PCDHGA1: variants seen among roughly 807,000 people sequenced by gnomAD.
The protein encoded by PCDHGA1 is protocadherin gamma-A1.
Under a neutral mutation model 58.0 loss-of-function variants are expected in PCDHGA1, and 32 were observed. That is an observed-to-expected ratio of 0.55 (90% confidence interval 0.42 to 0.74). PCDHGA1 has a LOEUF of 0.74. Among genes scored for constraint, PCDHGA1 ranks in the 30% least tolerant of loss-of-function variants. The pLI, the probability that PCDHGA1 is intolerant of heterozygous loss-of-function variation, is 0.00. For synonymous variants in PCDHGA1, 498 were observed against 501.1 expected (o/e 0.99, Z 0.08); for missense variants, 1,205 against 1,182.3 (o/e 1.02, Z -0.28).
At chr5:141,376,602 A>T in intron 1 of PCDHGA1, 1 of 1,521,112 alleles carries the variant, frequency 6.6e-7, no homozygotes, top group Non-Finnish European at 8.9e-7. Flanking sequence ...CTGTTATAGA[A>T]GCGAACCTCT....
chr5:141,364,519 A>G, intron 1 of PCDHGA1: 1 of 1,614,016 alleles, frequency 6.2e-7, no homozygotes, highest in Non-Finnish European at 8.5e-7. Context: ...CGGAGCGCGG[A>G]GTCCGCATCG....
chr5:141,439,310 A>G lies in PCDHGA1; in HGVS notation c.2422-55497A>G, dbSNP rs775009481. ...TCCATGGAAAAAGTAAAGCCCAGGCATGGAAGTGGGAATGGAAAGAAAGAT... is the reference window on the plus strand; with the variant it reads ...TCCATGGAAAAAGTAAAGCCCAGGCGTGGAAGTGGGAATGGAAAGAAAGAT... On this transcript the variant is annotated intron_variant, in intron 1 of 3. Transcript: ENST00000517417. 1.6e-4 allele frequency among the ~76,000 whole-genome samples: 24 copies of G among 152,320 alleles called. No homozygotes were observed. In the South Asian group the frequency reaches 4.1e-3, roughly 26 times the overall value.
At position 141,402,836 on chromosome 5, in the gene PCDHGA1, A is replaced by G. The variant is rs115293033; in HGVS notation, c.2421+69731A>G. 4.8e-4 allele frequency: 668 copies of G among 1,379,778 alleles called. 2 individuals are homozygous for G. The African/African-American group carries it at 8.5e-3, about 18-fold the overall frequency. 85.5% of individuals were successfully genotyped at this position (1,379,778 alleles called of 1,614,324 possible). On this transcript the variant is annotated intron_variant, in intron 1 of 3. Coordinates refer to ENST00000517417, the MANE Select transcript of PCDHGA1 (RefSeq NM_018912.3). ...ACAAACCTGCTCCCAGGCTGCAGCA[A>G]AACTCAGCCTCTTTCTTCTAAGGAA...
intron 1 of PCDHGA1, chr5:141,442,491 T>G (rs1438583747): frequency 6.6e-6 from 1 of 152,236 alleles, no homozygotes; most frequent in Non-Finnish European, 1.5e-5. Flanking sequence ...AGGGGATGAT[T>G]GTGATTATTC....
intron 1 of PCDHGA1, among the ~76,000 whole-genome samples, chr5:141,406,174 G>A (rs990967391): frequency 2.6e-5 from 4 of 151,264 alleles, no homozygotes; most frequent in African/African-American, 9.7e-5. Flanking sequence ...CTGGGCTTAT[G>A]CAATCCTCCC....
At chr5:141,343,364 A>G in intron 1 of PCDHGA1, 33 of 982,188 alleles carry the variant, frequency 3.4e-5, no homozygotes, top group Non-Finnish European at 3.7e-5. Flanking sequence ...AGTTAAGAGT[A>G]TAGAGAGGGA....
At chr5:141,376,105 C>T in intron 1 of PCDHGA1, 4 of 1,613,734 alleles carry the variant, frequency 2.5e-6, no homozygotes, top group Non-Finnish European at 2.5e-6. Flanking sequence ...TCCTGGCCGA[C>T]CTGGGCAGCC....
rs762926348 is a variant in PCDHGA1, at chr5:141,408,364, A to C, written c.2421+75259A>C. ...TGGTGGGGAACCTCGCTAAGGATCTAGGGCTCAGTGTCCTGGATGTGTCGG... is the reference window on the plus strand; with the variant it reads ...TGGTGGGGAACCTCGCTAAGGATCTCGGGCTCAGTGTCCTGGATGTGTCGG... On this transcript the variant is annotated intron_variant, in intron 1 of 3. Transcript: ENST00000517417. 3.7e-6 allele frequency: 6 copies of C among 1,613,960 alleles called. No individual in the cohort carries two copies. In the East Asian group the frequency reaches 1.3e-4, roughly 36 times the overall value.
intron 1 of PCDHGA1, among the ~76,000 whole-genome samples, chr5:141,369,675 G>A: frequency 6.6e-6 from 1 of 152,152 alleles, no homozygotes; most frequent in East Asian, 1.9e-4. Context: ...AGAAGAAAGT[G>A]AAACATAGAA....
Position 141,415,510 on chromosome 5 carries a change from T to C in PCDHGA1, c.2422-79297T>C, listed in dbSNP as rs780820182. On this transcript the variant is annotated intron_variant, in intron 1 of 3. Coordinates refer to ENST00000517417, the MANE Select transcript of PCDHGA1 (RefSeq NM_018912.3). ...TCACCTGATCTTCCCCCAGCCCAAT[T>C]ATGCGGACACGCTCATCAGCCAGGA... The C allele has an allele frequency of 2.5e-6, 4 of 1,614,088 alleles. No homozygotes were observed. The African/African-American group carries it at 5.3e-5, about 22-fold the overall frequency.
rs776990176 is a variant in PCDHGA1 at position 141,485,136 on chromosome 5, C to A, written c.2422-9671C>A. ...GTTTGGGGCGGGTCGGCTTCATCCG[C>A]GTCTCAGGAGCAAGTAGAGAATTAG... On this transcript the variant is annotated intron_variant, in intron 1 of 3. Transcript: ENST00000517417. The surrounding 1 kb of genome is among the most constrained non-coding windows in gnomAD (Gnocchi z 5.7). The A allele has an allele frequency of 4.0e-6, 6 of 1,502,706 alleles. No individual in the cohort carries two copies. The South Asian group carries it at 5.9e-5, about 15-fold the overall frequency. The allele number at this position is 1,502,706 out of a possible 1,614,324, so 93.1% of individuals were successfully genotyped here.
chr5:141,337,188 C>A (rs1225915439), intron 1 of PCDHGA1, among the ~76,000 whole-genome samples: 2 of 152,132 alleles, frequency 1.3e-5, no homozygotes, highest in Non-Finnish European at 2.9e-5. Flanking sequence ...TATAAAATGA[C>A]ACAACTGCTG....
intron 1 of PCDHGA1, chr5:141,333,379 C>T (rs1756462195): frequency 7.4e-6 from 4 of 541,146 alleles, no homozygotes; most frequent in East Asian, 6.1e-5. Context: ...AAGAGCACTG[C>T]ATTAGAAACG....
At position 141,387,415 on chromosome 5, in the gene PCDHGA1, A is replaced by C. The variant is rs111350375; in HGVS notation, c.2421+54310A>C. Among the ~76,000 whole-genome samples the C allele has an allele frequency of 1.1e-3, 175 of 152,362 alleles. 1 individual carries two copies. Among genetic ancestry groups the C allele is most frequent in the Admixed American group, 4.9e-3 (75 of 15,312 alleles). ...CATGTTTGAAGATTGGGGAAAGCTT[A>C]TGTCAATAAATGTTTATGTACTTAA... On this transcript the variant is annotated intron_variant, in intron 1 of 3. Coordinates refer to ENST00000517417, the MANE Select transcript of PCDHGA1 (RefSeq NM_018912.3).
intron 1 of PCDHGA1, chr5:141,398,979 C>T (rs769465343): frequency 1.9e-6 from 3 of 1,613,778 alleles, no homozygotes; most frequent in African/African-American, 1.3e-5. Context: ...TCTACAGAAC[C>T]GGGCAAATCT....
intron 1 of PCDHGA1, among the ~76,000 whole-genome samples, chr5:141,347,402 A>G (rs1055327810): frequency 1.3e-5 from 2 of 151,990 alleles, no homozygotes; most frequent in African/African-American, 4.8e-5. Flanking sequence ...TGATCTGCCC[A>G]CGTCAGCCTC....
Position 141,330,974 on chromosome 5 carries a change from C to T in PCDHGA1, c.290C>T (p.Ala97Val). 6.2e-7 allele frequency: 1 copy of T among 1,614,208 alleles called. No homozygotes were observed. The highest frequency in any genetic ancestry group is 8.5e-7 in the Non-Finnish European group (1 of 1,180,052). ...ARRIDREELC[A>V]QSMPCLVSFN... ...AGGATAGACCGGGAGGAGCTCTGCG[C>T]TCAGAGCATGCCGTGTCTCGTGAGT... is the stretch of plus-strand genomic sequence containing the variant. The change falls in exon 1 of 4, where the codon GCT becomes GTT. Residue 97 changes from alanine (A) to valine (V), a missense_variant. By Grantham distance (64) the Ala-to-Val change is moderately conservative. Transcript: ENST00000517417.
chr5:141,447,360 A>G (rs1471046883), intron 1 of PCDHGA1, among the ~76,000 whole-genome samples: 1 of 151,914 alleles, frequency 6.6e-6, no homozygotes, highest in Non-Finnish European at 1.5e-5. Context: ...GCTGGTCTCA[A>G]ACTCCTGACC....
At chr5:141,350,926 C>A (rs1022389451) in intron 1 of PCDHGA1, 6 of 1,614,094 alleles carry the variant, frequency 3.7e-6, no homozygotes, top group Non-Finnish European at 5.1e-6. Flanking sequence ...TAAGCGGCAC[C>A]ACCCATATCT....
Sources: allele counts gnomAD v4.1 joint callset (sites outside exome capture counted in the v4.1 genomes callset), GRCh38; gene constraint gnomAD v4.1.1; non-coding constraint Gnocchi (gnomAD v3.1); transcripts MANE v1.5; gene names NCBI Gene and HGNC (gene_info 2026-07-23, HGNC 2026-07-21).